Variants in STK39 observed in about 807,000 individuals in gnomAD.
STK39 encodes serine/threonine kinase 39, also known as STE20/SPS1-related proline-alanine-rich protein kinase.
STK39 carries 20 observed loss-of-function variants against 77.8 expected under a neutral mutation model. That is an observed-to-expected ratio of 0.26 (90% CI 0.18 to 0.37). The LOEUF is 0.37. STK39 is among the 10% of genes least tolerant of loss of function. STK39 has a pLI of 1.00. For missense variants in STK39, 479 were observed against 656.5 expected (o/e 0.73, Z 2.95); for synonymous variants, 246 against 234.1 (o/e 1.05, Z -0.47).
At chr2:168,147,074 A>G (rs75555069) in intron 5 of STK39, among the ~76,000 whole-genome samples, 1,737 of 152,320 alleles carry the variant, frequency 0.011, 18 homozygotes, top group Non-Finnish European at 0.018. Flanking sequence ...GAAATGCAAA[A>G]TGCAATAATG....
rs755613797 is a variant in STK39, at chr2:168,247,061, TAAAAAAAA to T, written c.208+159_208+166del. On this transcript the variant is annotated intron_variant, in intron 1 of 17. Coordinates refer to ENST00000355999, the MANE Select transcript of STK39 (RefSeq NM_013233.3). Reference sequence around the variant, plus strand: ...TAGAACGAACAAATACATTAAAAATTAAAAAAAAAAAAAAAAAAAAAAAAAAAACTGTT... The same window carrying T: ...TAGAACGAACAAATACATTAAAAATTAAAAAAAAAAAAAAAAAAAACTGTT... Among the ~76,000 whole-genome samples the T allele has an allele frequency of 4.1e-3, 368 of 89,294 alleles. 4 individuals carry two copies. The highest frequency in any genetic ancestry group is 0.016 in the African/African-American group (339 of 21,732). The allele number at this position is 89,294 out of a possible 152,430, so 58.6% of individuals were successfully genotyped here. A position where few individuals can be genotyped will look rare whatever the true frequency, so the allele number is the denominator to read the frequency against.
intron 10 of STK39, among the ~76,000 whole-genome samples, chr2:168,119,761 ACTCT>A (rs576369561): frequency 2.6e-5 from 4 of 152,020 alleles, no homozygotes; most frequent in Admixed American, 1.3e-4. Context: ...ATTTGAAATC[ACTCT>A]CTCTTCTCTG....
intron 1 of STK39, among the ~76,000 whole-genome samples, chr2:168,215,234 T>C (rs2105706116): frequency 6.6e-6 from 1 of 152,012 alleles, no homozygotes; most frequent in East Asian, 2.0e-4. Flanking sequence ...CATTACCAAA[T>C]GGCCAGGACT....
intron 2 of STK39, among the ~76,000 whole-genome samples, chr2:168,172,654 AT>A (rs11356923): frequency 0.99 from 151,331 of 152,348 alleles, 75,163 homozygotes; most frequent in Middle Eastern, 1. Flanking sequence ...AAGGAAAGAG[AT>A]TTTTGTTACT....
At chr2:168,035,012 T>G (rs748263284) in intron 14 of STK39, among the ~76,000 whole-genome samples, 1 of 152,178 alleles carries the variant, frequency 6.6e-6, no homozygotes, top group Non-Finnish European at 1.5e-5. Flanking sequence ...TTTACAAAAA[T>G]AGAGCTTGTA....
rs116429173 is a variant in STK39, at chr2:168,126,368, A to C, written c.1089+3173T>G. ...ACAAATAAATTAACGACTCCCCTGA[A>C]CCAATTCTTAAACAGAAGTTACTTA... is the stretch of plus-strand genomic sequence containing the variant. On this transcript the variant is annotated intron_variant, in intron 10 of 17. Transcript: ENST00000355999. Among the ~76,000 whole-genome samples the C allele has an allele frequency of 6.3e-3, 955 of 152,348 alleles. 8 individuals are homozygous for C. Among genetic ancestry groups the C allele is most frequent in the African/African-American group, 0.022 (898 of 41,584 alleles).
intron 1 of STK39, among the ~76,000 whole-genome samples, chr2:168,202,100 G>C (rs1391720081): frequency 6.6e-6 from 1 of 152,170 alleles, no homozygotes; most frequent in Non-Finnish European, 1.5e-5. Flanking sequence ...ATTTCTCCAA[G>C]TGTTATCTGT....
At chr2:168,066,671 T>G (rs1198382769) in intron 12 of STK39, among the ~76,000 whole-genome samples, 1 of 152,226 alleles carries the variant, frequency 6.6e-6, no homozygotes, top group Non-Finnish European at 1.5e-5. Flanking sequence ...CTCTTTCCCC[T>G]GGGAAGACCC....
intron 1 of STK39, among the ~76,000 whole-genome samples, chr2:168,217,176 G>T (rs923044869): frequency 3.3e-5 from 5 of 152,186 alleles, no homozygotes. Context: ...TGTTATTGAA[G>T]AACATTCCAC....
chr2:167,972,079 T>A (rs1459349343), intron 16 of STK39, among the ~76,000 whole-genome samples: 1 of 152,230 alleles, frequency 6.6e-6, no homozygotes, highest in South Asian at 2.1e-4. Context: ...TCCTTTATGA[T>A]GTGGCTTGGC....
At chr2:167,966,771 G>A (rs970371423) in intron 16 of STK39, among the ~76,000 whole-genome samples, 1 of 152,116 alleles carries the variant, frequency 6.6e-6, no homozygotes, top group Admixed American at 6.6e-5. Context: ...TTCAAATTCT[G>A]TCTTCAGCTC....
chr2:168,055,662 G>C (rs1028021771), intron 14 of STK39, among the ~76,000 whole-genome samples: 2 of 152,220 alleles, frequency 1.3e-5, no homozygotes, highest in Non-Finnish European at 2.9e-5. Context: ...GCCATCCATA[G>C]GGCTGAGCTG....
At chr2:168,163,668 A>G in intron 4 of STK39, 71 bp downstream of exon 4, 1 of 1,608,356 alleles carries the variant, frequency 6.2e-7, no homozygotes, top group Non-Finnish European at 8.5e-7. Flanking sequence ...TTCTGTGTAG[A>G]CAGTCTAAGC....
chr2:168,138,295 A>G, intron 7 of STK39, 74 bp from the exon 8 acceptor site: 3 of 1,522,172 alleles, frequency 2.0e-6, no homozygotes, highest in South Asian at 2.5e-5. Context: ...ATTTTTCATA[A>G]AAGTGTAAAA....
chr2:168,127,848 G>A (rs1351758844), intron 10 of STK39, among the ~76,000 whole-genome samples: 1 of 152,162 alleles, frequency 6.6e-6, no homozygotes, highest in Non-Finnish European at 1.5e-5. Context: ...AAATAGTGGA[G>A]AAAAAGGTTT....
chr2:168,060,156 A>G (rs1026593594), intron 14 of STK39, among the ~76,000 whole-genome samples: 2 of 151,986 alleles, frequency 1.3e-5, no homozygotes, highest in Non-Finnish European at 2.9e-5. Context: ...TCCAACAATA[A>G]TTTCTCAGAG....
intron 5 of STK39, among the ~76,000 whole-genome samples, chr2:168,153,626 A>G (rs1315186385): frequency 8.2e-6 from 1 of 122,668 alleles, no homozygotes; most frequent in Non-Finnish European, 1.6e-5. Flanking sequence ...GGCAGGGAAT[A>G]CAAAATATGG....
At chr2:168,187,062 T>C (rs1406659332) in intron 1 of STK39, among the ~76,000 whole-genome samples, 2 of 152,176 alleles carry the variant, frequency 1.3e-5, no homozygotes, top group African/African-American at 4.8e-5. Flanking sequence ...CCTTAAAAAG[T>C]TATTTTAAGG....
chr2:168,048,007 A>C (rs573484193), intron 14 of STK39, among the ~76,000 whole-genome samples: 58 of 152,334 alleles, frequency 3.8e-4, no homozygotes, highest in African/African-American at 1.4e-3. Flanking sequence ...ACGACGGCAC[A>C]GAGTTTTATT....
Sources: allele counts gnomAD v4.1 joint callset (sites outside exome capture counted in the v4.1 genomes callset), GRCh38; gene constraint gnomAD v4.1.1; transcripts MANE v1.5; gene names NCBI Gene and HGNC (gene_info 2026-07-23, HGNC 2026-07-21).